The following BCAR1 variants were observed in gnomAD, a reference collection of about 807,000 sequenced individuals.
The protein encoded by BCAR1 is breast cancer anti-estrogen resistance protein 1.
A neutral mutation model predicts 67.6 loss-of-function variants in BCAR1; 30 were observed. The ratio of observed to expected loss-of-function variants is 0.44; its 90% confidence interval spans 0.33 to 0.60. The LOEUF (loss-of-function observed/expected upper bound fraction) is 0.60, where lower values mean the gene tolerates loss of function less well. BCAR1 is among the 20% of genes least tolerant of loss of function. The probability of loss-of-function intolerance (pLI) is 0.02; values close to 1 mark genes in which losing one functional copy is unlikely to be tolerated. For synonymous variants in BCAR1, 626 were observed against 556.7 expected (o/e 1.12, Z -1.75); for missense variants, 1,313 against 1,222.3 (o/e 1.07, Z -1.11).
intron 2 of BCAR1, among the ~76,000 whole-genome samples, chr16:75,241,498 T>C (rs1170832862): frequency 2.6e-5 from 4 of 152,118 alleles, no homozygotes; most frequent in African/African-American, 4.8e-5. Context: ...TAAAGCCAGT[T>C]TGGGAGCACC....
intron 1 of BCAR1, chr16:75,263,166 C>T (rs1195711258): frequency 2.9e-5 from 28 of 976,192 alleles, no homozygotes; most frequent in Non-Finnish European, 3.4e-5. Context: ...GCTGGAGTGG[C>T]CACACTCACT....
chr16:75,266,170 C>G (rs2078006303), intron 1 of BCAR1: 3 of 358,140 alleles, frequency 8.4e-6, no homozygotes, highest in Non-Finnish European at 1.2e-5. Flanking sequence ...CGCACCAGCT[C>G]TGGGTCGCCC....
rs1158564488 is a variant in BCAR1 at position 75,265,783 on chromosome 16, G to A, written c.66+2132C>T. The stretch of plus-strand genomic sequence containing the variant: ...GGGCGGGGCGAGGTCGCAGCCGGGC[G>A]GGGGACAGCCGGCCCGGGGTCCCGG... On this transcript the variant is annotated intron_variant, in intron 1 of 6. Transcript: ENST00000393422. 10 of 1,196,526 alleles carry A rather than the reference G, an allele frequency of 8.4e-6. No homozygotes were observed. The African/African-American group carries it at 1.1e-4, about 13-fold the overall frequency. The allele number at this position is 1,196,526 out of a possible 1,614,324, so 74.1% of individuals were successfully genotyped here.
chr16:75,238,087 T>G (rs372076058), intron 2 of BCAR1: 3 of 1,288,860 alleles, frequency 2.3e-6, no homozygotes, highest in Non-Finnish European at 3.0e-6. Context: ...CCAGGTGCTC[T>G]TACCATGACC....
intron 2 of BCAR1, among the ~76,000 whole-genome samples, chr16:75,240,974 C>T (rs527313714): frequency 6.6e-5 from 10 of 152,380 alleles, no homozygotes; most frequent in African/African-American, 2.4e-4. Context: ...ACAGGGCTTC[C>T]AGCCGCACCA....
In BCAR1 at chr16:75,235,777, C is replaced by G; in HGVS notation, c.1122G>C (p.Val374=). 1.9e-6 allele frequency: 3 copies of G among 1,592,542 alleles called. No individual in the cohort carries two copies. The highest frequency in any genetic ancestry group is 2.3e-5 in the South Asian group (2 of 87,680). The change falls in exon 5 of 7, where the codon GTG becomes GTC. Residue 374 remains valine (V), a synonymous_variant. Transcript: ENST00000162330. ...GGCCAGGCCGCCGCAAGCCAGGGGG[C>G]ACGTCGTAGAGGTCAGGAGCCGGGG... is the stretch of plus-strand genomic sequence containing the variant. ...VPPPAPDLYD[V]PPGLRRPGPG... is the part of the protein sequence containing the mutation.
intron 6 of BCAR1, among the ~76,000 whole-genome samples, chr16:75,230,425 G>A (rs985816784): frequency 6.6e-6 from 1 of 152,074 alleles, no homozygotes; most frequent in East Asian, 1.9e-4. Context: ...AACTTCCTGT[G>A]AATCTATAAA....
At chr16:75,267,087 TG>T (rs1331628113) in intron 1 of BCAR1, among the ~76,000 whole-genome samples, 1 of 152,208 alleles carries the variant, frequency 6.6e-6, no homozygotes, top group African/African-American at 2.4e-5. Flanking sequence ...GGTCACCGAC[TG>T]GGTTTTCAGC....
At chr16:75,261,312 T>A (rs1053326019) in intron 1 of BCAR1, among the ~76,000 whole-genome samples, 2 of 152,134 alleles carry the variant, frequency 1.3e-5, no homozygotes, top group African/African-American at 4.8e-5. Flanking sequence ...GAAGGTGGTG[T>A]GGGCCCCAGA....
At chr16:75,252,211 G>C, upstream of BCAR1, 3 of 1,536,588 alleles carry the variant, frequency 2.0e-6, no homozygotes, top group Non-Finnish European at 2.6e-6. Flanking sequence ...TCTCGACCCA[G>C]CGCTTTTCAC....
At chr16:75,236,008 A>G (rs756164204) in intron 4 of BCAR1, 22 bp from the exon 5 acceptor site, 1 of 1,553,408 alleles carries the variant, frequency 6.4e-7, no homozygotes, top group Non-Finnish European at 8.7e-7. Context: ...GCGGTGGTCA[A>G]GACTGTCCAT....
Position 75,234,893 on chromosome 16 carries a change from A to C in BCAR1, c.2006T>G (p.Leu669Arg). The change falls in exon 5 of 7, where the codon CTA becomes CGA. Residue 669 changes from leucine to arginine, a missense_variant. Around this residue, in one of 2 missense-constraint regions of BCAR1, gnomAD observed 1,272 missense variants for 1,137.5 expected, o/e 1.12. Transcript: ENST00000162330. ...GWMEDYDYVH[L>R]QGKEEFEKTQ... Reference sequence around the variant, plus strand: ...GGCTGGGCAGGCGGCACCCACCTGTAGGTGGACGTAGTCATAGTCCTCCAT... The same window carrying C: ...GGCTGGGCAGGCGGCACCCACCTGTCGGTGGACGTAGTCATAGTCCTCCAT... 6.5e-7 allele frequency: 1 copy of C among 1,531,282 alleles called. No homozygotes were observed. Among genetic ancestry groups the C allele is most frequent in the Non-Finnish European group, 8.8e-7 (1 of 1,135,606 alleles). The allele number at this position is 1,531,282 out of a possible 1,614,324, so 94.9% of individuals were successfully genotyped here. A position where few individuals can be genotyped will look rare whatever the true frequency, so the allele number is the denominator to read the frequency against.
At chr16:75,263,890 T>C (rs1423837647) in intron 1 of BCAR1, 2 of 1,028,514 alleles carry the variant, frequency 1.9e-6, no homozygotes, top group Non-Finnish European at 2.3e-6. Flanking sequence ...GTTCCAAAAA[T>C]GAATTCTCCT....
intron 1 of BCAR1, chr16:75,250,728 C>T: frequency 1.0e-6 from 1 of 985,530 alleles, no homozygotes; most frequent in Admixed American, 6.1e-5. Context: ...TGCTCTAGCT[C>T]TTGCGGGTCC....
intron 1 of BCAR1, among the ~76,000 whole-genome samples, chr16:75,258,845 TGGGCTTA>T (rs1422510911): frequency 6.6e-6 from 1 of 152,108 alleles, no homozygotes; most frequent in Non-Finnish European, 1.5e-5. Flanking sequence ...GTGTGCCTCC[TGGGCTTA>T]GGGCTTCCAG....
At chr16:75,266,729 A>C (rs1404848746) in intron 1 of BCAR1, 1 of 1,439,410 alleles carries the variant, frequency 6.9e-7, no homozygotes, top group African/African-American at 1.4e-5. Context: ...CAAAGGAAGG[A>C]CCAGGGGTCC....
intron 1 of BCAR1, among the ~76,000 whole-genome samples, chr16:75,260,019 C>A (rs2077867706): frequency 6.6e-6 from 1 of 151,982 alleles, no homozygotes; most frequent in African/African-American, 2.4e-5. Context: ...CATGGTGAAA[C>A]CCTGTCTCTA....
At chr16:75,263,776 C>A in intron 1 of BCAR1, 2 of 986,950 alleles carry the variant, frequency 2.0e-6, no homozygotes, top group Middle Eastern at 5.2e-4. Context: ...TGAGCAGTCG[C>A]CACTCTGGGT....
In BCAR1 at chr16:75,242,454, G is replaced by A; in HGVS notation, c.633+16C>T. 7.0e-7 allele frequency: 1 copy of A among 1,437,332 alleles called. No homozygotes were observed. The highest frequency in any genetic ancestry group is 1.8e-5 in the South Asian group (1 of 57,072). 89.0% of individuals were successfully genotyped at this position (1,437,332 alleles called of 1,614,324 possible). A position where few individuals can be genotyped will look rare whatever the true frequency, so the allele number is the denominator to read the frequency against. On this transcript the variant is annotated intron_variant, in intron 2 of 6. Transcript: ENST00000162330. ...TATACCTGTGTGGCTGCACAACTGT[G>A]CCAGGACAGCCTTACCTTTGCCGGG...
Sources: allele counts gnomAD v4.1 joint callset (sites outside exome capture counted in the v4.1 genomes callset), GRCh38; gene constraint gnomAD v4.1.1; regional missense constraint gnomAD v4.1.1; transcripts MANE v1.5; gene names NCBI Gene and HGNC (gene_info 2026-07-23, HGNC 2026-07-21).